Variants in FILIP1L observed in about 807,000 individuals in gnomAD.
FILIP1L encodes the protein filamin A-interacting protein 1-like.
In FILIP1L, 55 loss-of-function variants were observed where a neutral mutation model predicts 96.6. That is an observed-to-expected ratio of 0.57 (90% CI 0.46 to 0.71). FILIP1L has a LOEUF of 0.71. FILIP1L is among the 30% of genes least tolerant of loss of function. The pLI, the probability that FILIP1L is intolerant of heterozygous loss-of-function variation, is 0.00. For synonymous variants in FILIP1L, 467 were observed against 473.9 expected, an observed-to-expected ratio of 0.99 and a Z score of 0.19; for missense variants, 1,304 against 1,321.2, an observed-to-expected ratio of 0.99 and a Z score of 0.20.
At chr3:99,983,391 T>TAAATAAATAAATAA (rs1249848576) in intron 1 of FILIP1L, among the ~76,000 whole-genome samples, 19 of 16,090 alleles carry the variant, frequency 1.2e-3, no homozygotes, top group African/African-American at 1.8e-3. Flanking sequence ...AATAAATAAA[T>TAAATAAATAAATAA]ATATATATAT....
intron 1 of FILIP1L, among the ~76,000 whole-genome samples, chr3:100,065,094 A>C (rs1020594755): frequency 7.2e-5 from 11 of 152,176 alleles, no homozygotes; most frequent in African/African-American, 2.7e-4. Flanking sequence ...CAAATGCCTG[A>C]ATTATAAGAC....
At chr3:99,859,267 G>C (rs536040899) in intron 4 of FILIP1L, among the ~76,000 whole-genome samples, 1 of 152,304 alleles carries the variant, frequency 6.6e-6, no homozygotes, top group East Asian at 1.9e-4. Context: ...CTTGCTATTT[G>C]TCAGTTCTTT....
intron 1 of FILIP1L, among the ~76,000 whole-genome samples, chr3:100,080,233 T>C (rs1321504663): frequency 5.9e-5 from 9 of 152,164 alleles, no homozygotes. Flanking sequence ...TCCACCTGCC[T>C]TGGCCTCCCA....
At chr3:100,070,607 A>G (rs929094679) in intron 1 of FILIP1L, among the ~76,000 whole-genome samples, 1 of 152,112 alleles carries the variant, frequency 6.6e-6, no homozygotes, top group Non-Finnish European at 1.5e-5. Context: ...AAGACTTCAT[A>G]TCATCGTGGG....
intron 1 of FILIP1L, among the ~76,000 whole-genome samples, chr3:100,034,204 T>G (rs543189403): frequency 2.0e-5 from 3 of 152,216 alleles, no homozygotes; most frequent in East Asian, 1.9e-4. Flanking sequence ...ACAAGACTGG[T>G]TTTTCTAGAC....
chr3:99,952,992 G>A (rs969359807), intron 1 of FILIP1L, among the ~76,000 whole-genome samples: 1 of 152,164 alleles, frequency 6.6e-6, no homozygotes, highest in Non-Finnish European at 1.5e-5. Flanking sequence ...ACTGAACTGA[G>A]TGGTCTCTGA....
chr3:99,936,699 C>G (rs1576585858), intron 1 of FILIP1L, among the ~76,000 whole-genome samples: 2 of 150,280 alleles, frequency 1.3e-5, no homozygotes. Flanking sequence ...AAATCACTTG[C>G]CAAAGGTCAC....
chr3:100,107,461 C>G (rs1374984032), intron 1 of FILIP1L, among the ~76,000 whole-genome samples: 1 of 152,098 alleles, frequency 6.6e-6, no homozygotes, highest in Non-Finnish European at 1.5e-5. Flanking sequence ...ACGGGTGTGT[C>G]ATGATTTGAA....
rs529268576 is a variant in FILIP1L, at chr3:99,908,880, G to A, written c.605+15350C>T. Among the ~76,000 whole-genome samples the A allele has an allele frequency of 6.6e-5, 10 of 152,186 alleles. No homozygotes were observed. The East Asian group carries it at 1.9e-3, about 29-fold the overall frequency. Reference sequence around the variant, plus strand: ...ACAAAAAAAAATTCCTATTGTGTGTGTGTGTGTGTTCTTTCTTTTAATGGG... The same window carrying A: ...ACAAAAAAAAATTCCTATTGTGTGTATGTGTGTGTTCTTTCTTTTAATGGG... On this transcript the variant is annotated intron_variant, in intron 4 of 5. Coordinates refer to ENST00000477258, the MANE Select transcript of FILIP1L (RefSeq NM_001387850.1).
intron 1 of FILIP1L, among the ~76,000 whole-genome samples, chr3:99,973,969 G>A (rs904348448): frequency 6.6e-6 from 1 of 152,232 alleles, no homozygotes; most frequent in Non-Finnish European, 1.5e-5. Flanking sequence ...GTAACCCACA[G>A]TTCCAAATAG....
chr3:99,949,981 C>T lies in FILIP1L; in HGVS notation c.-10-18951G>A, dbSNP rs1431827894. Among the ~76,000 whole-genome samples the T allele has an allele frequency of 2.0e-5, 3 of 152,084 alleles. No individual in the cohort carries two copies. In the East Asian group the frequency reaches 5.8e-4, roughly 29 times the overall value. ...ATCATTAATTATTTCCCAGAATAACCTTTACTTTCATAATCAAAGGTATGC... is the reference window on the plus strand; with the variant it reads ...ATCATTAATTATTTCCCAGAATAACTTTTACTTTCATAATCAAAGGTATGC... On this transcript the variant is annotated intron_variant, in intron 1 of 5. Coordinates refer to ENST00000477258, the MANE Select transcript of FILIP1L (RefSeq NM_001387850.1).
At chr3:100,004,123 A>G (rs1473122918) in intron 1 of FILIP1L, among the ~76,000 whole-genome samples, 3 of 152,180 alleles carry the variant, frequency 2.0e-5, no homozygotes, top group African/African-American at 7.2e-5. Flanking sequence ...GGCTTCCTGC[A>G]TGATGCCTTC....
intron 5 of FILIP1L, among the ~76,000 whole-genome samples, chr3:99,839,830 A>ATCAGATTCAAGGTTC (rs1220494341): frequency 1.1e-4 from 17 of 152,346 alleles, no homozygotes; most frequent in African/African-American, 3.4e-4. Flanking sequence ...CTTATGTTTC[A>ATCAGATTCAAGGTTC]TCAGATTCAA....
At chr3:99,935,575 G>A (rs945411515) in intron 1 of FILIP1L, among the ~76,000 whole-genome samples, 13 of 152,170 alleles carry the variant, frequency 8.5e-5, no homozygotes, top group African/African-American at 2.9e-4. Context: ...CACTCAGGCT[G>A]GAACAAGGAC....
rs115894765 is a variant in FILIP1L, at chr3:99,891,582, T to C, written c.605+32648A>G. ...TTGGATTTTTTGGGTTTTTTTTGTT[T>C]GTTTTGTTTTGTTGGTGAGACACTA... On this transcript the variant is annotated intron_variant, in intron 4 of 5. Transcript: ENST00000477258. Among the ~76,000 whole-genome samples the C allele has an allele frequency of 3.1e-3, 478 of 152,324 alleles. 2 individuals are homozygous for C. The highest frequency in any genetic ancestry group is 0.011 in the African/African-American group (445 of 41,578).
chr3:99,881,509 A>T (rs1217737413), intron 4 of FILIP1L, among the ~76,000 whole-genome samples: 1 of 151,348 alleles, frequency 6.6e-6, no homozygotes, highest in Admixed American at 6.6e-5. Context: ...GGACCTTGTC[A>T]TATAATTTGT....
intron 1 of FILIP1L, among the ~76,000 whole-genome samples, chr3:100,063,399 T>C (rs1232755541): frequency 2.0e-5 from 3 of 152,186 alleles, no homozygotes; most frequent in African/African-American, 2.4e-5. Context: ...ATTGTATTCT[T>C]CTTGGTGTAA....
At chr3:100,069,262 G>A (rs2065720935) in intron 1 of FILIP1L, among the ~76,000 whole-genome samples, 1 of 151,986 alleles carries the variant, frequency 6.6e-6, no homozygotes, top group Non-Finnish European at 1.5e-5. Context: ...TCTATCATTT[G>A]TAGGGAAAGC....
intron 1 of FILIP1L, among the ~76,000 whole-genome samples, chr3:100,020,311 T>C (rs1388696529): frequency 6.6e-6 from 1 of 152,206 alleles, no homozygotes; most frequent in African/African-American, 2.4e-5. Context: ...ATTTAGGACT[T>C]GGTGCCATGG....
Sources: gnomAD v4.1 joint callset for allele counts (sites outside exome capture counted in the v4.1 genomes callset) on GRCh38, gnomAD v4.1.1 for gene constraint, MANE v1.5 for transcripts, NCBI Gene and HGNC (gene_info 2026-07-23, HGNC 2026-07-21) for gene names.